Variants in RBBP4 observed in about 807,000 individuals in gnomAD.
RBBP4 encodes the protein RB binding protein 4, chromatin remodeling factor.
A neutral mutation model predicts 57.2 loss-of-function variants in RBBP4; 3 were observed. The observed-to-expected ratio is 0.05, with a 90% CI of 0.02 to 0.14. The LOEUF (loss-of-function observed/expected upper bound fraction) is 0.14, where lower values mean the gene tolerates loss of function less well. RBBP4 is among the 10% of genes least tolerant of loss of function. The pLI is 1.00. For missense variants in RBBP4, 107 were observed against 520.6 expected (o/e 0.21, Z 7.73); for synonymous variants, 151 against 171.5 (o/e 0.88, Z 0.93).
chr1:32,669,671 A>T lies in RBBP4; in HGVS notation c.966+108A>T, dbSNP rs745583595. On this transcript the variant is annotated intron_variant, in intron 8 of 11. Transcript: ENST00000373493. The surrounding 1 kb of genome is among the most constrained non-coding windows in gnomAD (Gnocchi z 4.9). ...TTTGGGAGGCTGAAGCGGGCGGATCACAAGGTCAGGAGATCGAGACCATCC... is the reference window on the plus strand; with the variant it reads ...TTTGGGAGGCTGAAGCGGGCGGATCTCAAGGTCAGGAGATCGAGACCATCC... 97 of 1,438,094 alleles carry T rather than the reference A, an allele frequency of 6.7e-5. No homozygotes were observed. The highest frequency in any genetic ancestry group is 8.9e-5 in the Non-Finnish European group (97 of 1,092,306). The allele number at this position is 1,438,094 out of a possible 1,614,324, so 89.1% of individuals were successfully genotyped here. A position where few individuals can be genotyped will look rare whatever the true frequency, so the allele number is the denominator to read the frequency against.
At chr1:32,655,201 T>A (rs12405635) in intron 2 of RBBP4, among the ~76,000 whole-genome samples, 2 of 152,036 alleles carry the variant, frequency 1.3e-5, no homozygotes, top group African/African-American at 4.8e-5. Flanking sequence ...GTTCTTTAAC[T>A]TCTGGGCTCC....
intron 3 of RBBP4, among the ~76,000 whole-genome samples, chr1:32,657,915 C>T (rs1271864052): frequency 1.3e-5 from 2 of 152,078 alleles, no homozygotes; most frequent in Admixed American, 6.6e-5. Flanking sequence ...TGTAGTGGCA[C>T]GATCTTCTCT....
chr1:32,681,357 TA>T lies in RBBP4; in HGVS notation c.*1656del, dbSNP rs199625101. ...ATCCTTGAACAAAAAGTAGACTTTGTAAAAGTATTCATTTAAATTCTAACAC... is the reference window on the plus strand; with the variant it reads ...ATCCTTGAACAAAAAGTAGACTTTGTAAAGTATTCATTTAAATTCTAACAC... On this transcript the variant is annotated 3_prime_UTR_variant, in exon 12 of 12. Coordinates refer to ENST00000373493, the MANE Select transcript of RBBP4 (RefSeq NM_005610.3). 772 of 157,826 alleles carry T rather than the reference TA, an allele frequency of 4.9e-3. 29 individuals carry two copies. The highest frequency in any genetic ancestry group is 0.045 in the Admixed American group (703 of 15,766). 9.8% of individuals were successfully genotyped at this position (157,826 alleles called of 1,614,324 possible). A position where few individuals can be genotyped will look rare whatever the true frequency, so the allele number is the denominator to read the frequency against.
Position 32,651,278 on chromosome 1 carries a change from C to G in RBBP4, c.-29C>G. ...CCCGCCCCTCCCGCAACGCTCGACC[C>G]CAGGATTCCCCCGGCTCGCCTGCCC... On this transcript the variant is annotated 5_prime_UTR_variant, in exon 1 of 12. Coordinates refer to ENST00000373493, the MANE Select transcript of RBBP4 (RefSeq NM_005610.3). 2.7e-6 allele frequency: 4 copies of G among 1,495,046 alleles called. No homozygotes were observed. The highest frequency in any genetic ancestry group is 3.6e-6 in the Non-Finnish European group (4 of 1,122,990). 92.6% of individuals were successfully genotyped at this position (1,495,046 alleles called of 1,614,324 possible).
chr1:32,659,616 T>C (rs1648314200), intron 3 of RBBP4, among the ~76,000 whole-genome samples: 1 of 152,126 alleles, frequency 6.6e-6, no homozygotes, highest in Non-Finnish European at 1.5e-5. Flanking sequence ...TAAATGGATG[T>C]ATTGTGATGT....
rs749331723 is a variant in RBBP4, at chr1:32,684,231, G to A, written c.*4526G>A. On this transcript the variant is annotated 3_prime_UTR_variant, in exon 12 of 12. Coordinates refer to ENST00000373493, the MANE Select transcript of RBBP4 (RefSeq NM_005610.3). ...ACCATCCCCTCAGCCAGTATTAGAT[G>A]AGATTTGTATAGCAGCAGAAACTGA... is the stretch of plus-strand genomic sequence containing the variant. The A allele has an allele frequency of 5.6e-6, 9 of 1,613,922 alleles. No individual in the cohort carries two copies. In the South Asian group the frequency reaches 8.8e-5, roughly 16 times the overall value.
intron 3 of RBBP4, among the ~76,000 whole-genome samples, chr1:32,665,167 T>C (rs1277577813): frequency 2.0e-5 from 3 of 152,104 alleles, no homozygotes; most frequent in African/African-American, 7.2e-5. Flanking sequence ...ATATGCCTTG[T>C]TTTTTCATAG....
In RBBP4 at chr1:32,679,752, A is replaced by G. The variant is rs1649297416; in HGVS notation, c.*47A>G. ...TTTTAGACTCCCCTTTTTTCTTCTC[A>G]ACCCTGAGAGTGATTTAACACTGGT... On this transcript the variant is annotated 3_prime_UTR_variant, in exon 12 of 12. Transcript: ENST00000373493. 1 of 1,610,380 alleles carries G rather than the reference A, an allele frequency of 6.2e-7. No homozygotes were observed. Among genetic ancestry groups the G allele is most frequent in the African/African-American group, 1.3e-5 (1 of 74,828 alleles).
intron 8 of RBBP4, among the ~76,000 whole-genome samples, chr1:32,671,307 G>A (rs1215454505): frequency 3.3e-5 from 5 of 152,134 alleles, no homozygotes; most frequent in South Asian, 4.1e-4. Context: ...GATGTAGGCC[G>A]GGCACGATGG....
rs1649752742 is a variant in RBBP4 at position 32,685,369 on chromosome 1, C to G, written c.*5664C>G. 1 of 152,180 alleles carries G rather than the reference C, an allele frequency of 6.6e-6. No individual in the cohort carries two copies. Among genetic ancestry groups the G allele is most frequent in the Admixed American group, 6.5e-5 (1 of 15,268 alleles). The allele number at this position is 152,180 out of a possible 1,614,324, so 9.4% of individuals were successfully genotyped here. A position where few individuals can be genotyped will look rare whatever the true frequency, so the allele number is the denominator to read the frequency against. On this transcript the variant is annotated 3_prime_UTR_variant, in exon 12 of 12. Coordinates refer to ENST00000373493, the MANE Select transcript of RBBP4 (RefSeq NM_005610.3). ...AGTCAGTCTCTGGTTTACCTGCTAG[C>G]TGGCATGGATCCTTAAGGAAGCAGG...
Position 32,684,112 on chromosome 1 carries a change from TC to T in RBBP4, c.*4409del. 2 of 1,612,506 alleles carry T rather than the reference TC, an allele frequency of 1.2e-6. No individual in the cohort carries two copies. Among genetic ancestry groups the T allele is most frequent in the Admixed American group, 1.7e-5 (1 of 59,660 alleles). ...GCCCTTTAAAAAGAGAGAGCCATTT[TC>T]CATGTGTTTTTGGATAAGCACAATT... is the stretch of plus-strand genomic sequence containing the variant. On this transcript the variant is annotated 3_prime_UTR_variant, in exon 12 of 12. Transcript: ENST00000373493.
chr1:32,672,014 G>A (rs1270161237), intron 8 of RBBP4, among the ~76,000 whole-genome samples: 1 of 151,362 alleles, frequency 6.6e-6, no homozygotes, highest in Admixed American at 6.6e-5. Flanking sequence ...CTTTTTGTTT[G>A]TTTTTGAGAG....
At chr1:32,664,717 C>T (rs1648571481) in intron 3 of RBBP4, among the ~76,000 whole-genome samples, 1 of 152,074 alleles carries the variant, frequency 6.6e-6, no homozygotes, top group South Asian at 2.1e-4. Context: ...TCCCAAAGTG[C>T]TGGGATTACA....
At chr1:32,662,569 T>C (rs1485003640) in intron 3 of RBBP4, among the ~76,000 whole-genome samples, 2 of 148,958 alleles carry the variant, frequency 1.3e-5, no homozygotes, top group African/African-American at 4.9e-5. Flanking sequence ...AGAGATGGGG[T>C]TTCACTACGT....
chr1:32,684,628 A>C lies in RBBP4; in HGVS notation c.*4923A>C. 2 of 484,192 alleles carry C rather than the reference A, an allele frequency of 4.1e-6. No homozygotes were observed. Among genetic ancestry groups the C allele is most frequent in the Non-Finnish European group, 3.7e-6 (1 of 273,324 alleles). The allele number at this position is 484,192 out of a possible 1,614,324, so 30.0% of individuals were successfully genotyped here. A position where few individuals can be genotyped will look rare whatever the true frequency, so the allele number is the denominator to read the frequency against. On this transcript the variant is annotated 3_prime_UTR_variant, in exon 12 of 12. Transcript: ENST00000373493. Reference sequence around the variant, plus strand: ...GTTAACCACAGCTTGCTTTAATAGAATCCTGGGAGGGTGATTGGGACTTTT... The same window carrying C: ...GTTAACCACAGCTTGCTTTAATAGACTCCTGGGAGGGTGATTGGGACTTTT...
intron 3 of RBBP4, among the ~76,000 whole-genome samples, chr1:32,665,638 A>G (rs452571): frequency 6.7e-6 from 1 of 149,136 alleles, no homozygotes; most frequent in Admixed American, 6.8e-5. Context: ...AGATCGTGCC[A>G]TTACACTCCA....
Position 32,686,075 on chromosome 1 carries a change from T to C in RBBP4, c.*6370T>C, listed in dbSNP as rs746187427. ...TCATTTGAAATATGACTAGTCTCAA[T>C]TGAGATGTAATGTAAGTGTAAAATA... On this transcript the variant is annotated 3_prime_UTR_variant, in exon 12 of 12. Coordinates refer to ENST00000373493, the MANE Select transcript of RBBP4 (RefSeq NM_005610.3). 1 of 152,188 alleles carries C rather than the reference T, an allele frequency of 6.6e-6. No homozygotes were observed. Among genetic ancestry groups the C allele is most frequent in the Admixed American group, 6.5e-5 (1 of 15,272 alleles). The allele number at this position is 152,188 out of a possible 1,614,324, so 9.4% of individuals were successfully genotyped here.
At chr1:32,653,751 C>G (rs1260453118) in intron 2 of RBBP4, among the ~76,000 whole-genome samples, 1 of 141,434 alleles carries the variant, frequency 7.1e-6, no homozygotes, top group Non-Finnish European at 1.5e-5. Context: ...CTCCGCCTCC[C>G]GGGTTCACGC....
chr1:32,664,346 C>G (rs991367513), intron 3 of RBBP4, among the ~76,000 whole-genome samples: 1 of 152,108 alleles, frequency 6.6e-6, no homozygotes, highest in Admixed American at 6.6e-5. Context: ...CTGAAATAAC[C>G]AATGTTATGT....
Sources: gnomAD v4.1 joint callset for allele counts (sites outside exome capture counted in the v4.1 genomes callset) on GRCh38, gnomAD v4.1.1 for gene constraint, Gnocchi (gnomAD v3.1) non-coding constraint, MANE v1.5 for transcripts, NCBI Gene and HGNC (gene_info 2026-07-23, HGNC 2026-07-21) for gene names.